The following ASAP3 variants were observed in gnomAD, a reference collection of about 807,000 sequenced individuals.
ASAP3 encodes the protein ArfGAP with SH3 domain, ankyrin repeat and PH domain 3.
A neutral mutation model predicts 118.2 loss-of-function variants in ASAP3; 85 were observed. The observed-to-expected ratio is 0.72, with a 90% CI of 0.60 to 0.86. The LOEUF (loss-of-function observed/expected upper bound fraction) is 0.86. Ranked by LOEUF, ASAP3 falls within the 40% of genes least tolerant of loss-of-function variation. The pLI is 0.00. For synonymous variants in ASAP3, 432 were observed against 477.4 expected (o/e 0.90, Z 1.24); for missense variants, 1,026 against 1,175.0 (o/e 0.87, Z 1.85).
intron 1 of ASAP3, among the ~76,000 whole-genome samples, chr1:23,476,945 C>T (rs1349589680): frequency 6.6e-6 from 1 of 151,780 alleles, no homozygotes; most frequent in Non-Finnish European, 1.5e-5. Context: ...ATGGTAAATA[C>T]TAGGGACACA....
intron 1 of ASAP3, among the ~76,000 whole-genome samples, chr1:23,468,642 G>A (rs1570401157): frequency 6.6e-6 from 1 of 151,364 alleles, no homozygotes; most frequent in African/African-American, 2.4e-5. Flanking sequence ...GGAGGCTGAG[G>A]TGGGAGGATC....
chr1:23,474,110 G>T (rs569055808), intron 1 of ASAP3, among the ~76,000 whole-genome samples: 72 of 149,334 alleles, frequency 4.8e-4, no homozygotes, highest in African/African-American at 1.7e-3. Flanking sequence ...TGGGATTACA[G>T]GTGCCTGCCA....
In ASAP3 at chr1:23,433,144, G is replaced by C. The variant is rs750812613; in HGVS notation, c.2256C>G (p.Pro752=). The C allele has an allele frequency of 1.4e-5, 23 of 1,614,054 alleles. No individual in the cohort carries two copies. Among genetic ancestry groups the C allele is most frequent in the Admixed American group, 1.7e-5 (1 of 59,992 alleles). The change falls in exon 22 of 25, where the codon CCC becomes CCG. Residue 752 remains proline (P), a synonymous_variant. Transcript: ENST00000336689. ...ATPQGESEDC[P]PPLPVKNSSR... ...AAGAGTTTTTGACTGGCAAGGGCGG[G>C]GGACAGTCCTCACTCTCGCCCTGAG...
intron 3 of ASAP3, among the ~76,000 whole-genome samples, chr1:23,454,332 AC>A (rs1314461322): frequency 3.3e-5 from 5 of 152,052 alleles, no homozygotes; most frequent in Admixed American, 2.0e-4. Flanking sequence ...GATTACAGGC[AC>A]CTGATACCAC....
At chr1:23,430,628 G>C (rs543952137) in intron 24 of ASAP3, among the ~76,000 whole-genome samples, 3 of 152,318 alleles carry the variant, frequency 2.0e-5, no homozygotes, top group Non-Finnish European at 2.9e-5. Context: ...TTCTCTGAGC[G>C]ACTGGCCTGG....
intron 1 of ASAP3, among the ~76,000 whole-genome samples, chr1:23,476,882 C>G (rs1482434023): frequency 1.3e-5 from 2 of 150,238 alleles, no homozygotes; most frequent in Non-Finnish European, 3.0e-5. Flanking sequence ...TTTTTTTTTT[C>G]TTTCATTTAT....
Position 23,433,704 on chromosome 1 carries a change from G to A in ASAP3, c.1952-11C>T. Reference sequence around the variant, plus strand: ...CGCCTGCTTCATTTACTGTGAGCGGGGAAAGTCAGGGTTCATGGTCATAGT... The same window carrying A: ...CGCCTGCTTCATTTACTGTGAGCGGAGAAAGTCAGGGTTCATGGTCATAGT... On this transcript the variant is annotated splice_polypyrimidine_tract_variant and intron_variant, in intron 19 of 24. Coordinates refer to ENST00000336689, the MANE Select transcript of ASAP3 (RefSeq NM_017707.4). 6.2e-7 allele frequency: 1 copy of A among 1,614,080 alleles called. No homozygotes were observed. Among genetic ancestry groups the A allele is most frequent in the Non-Finnish European group, 8.5e-7 (1 of 1,180,026 alleles).
Position 23,436,877 on chromosome 1 carries a change from TTC to T in ASAP3, c.1476+32_1476+33del. On this transcript the variant is annotated intron_variant, in intron 15 of 24. Transcript: ENST00000336689. The surrounding 1 kb of genome is among the most constrained non-coding windows in gnomAD (Gnocchi z 4.2). ...GATGAAACTACACCCCTAACTCCGCTTCTGGCCCCTTCCAGGCCCCGCCCCGC... is the reference window on the plus strand; with the variant it reads ...GATGAAACTACACCCCTAACTCCGCTTGGCCCCTTCCAGGCCCCGCCCCGC... 1 of 1,599,154 alleles carries T rather than the reference TTC, an allele frequency of 6.3e-7. No individual in the cohort carries two copies. Among genetic ancestry groups the T allele is most frequent in the Admixed American group, 1.7e-5 (1 of 58,792 alleles).
intron 17 of ASAP3, 122 bp from the exon 18 acceptor site, chr1:23,434,740 G>A (rs1455077972): frequency 5.7e-6 from 5 of 872,106 alleles, no homozygotes; most frequent in Non-Finnish European, 9.1e-6. Context: ...GAACCCTGGA[G>A]AGATGAGACT....
At chr1:23,483,893 G>T in intron 1 of ASAP3, 112 bp downstream of exon 1, 1 of 1,094,866 alleles carries the variant, frequency 9.1e-7, no homozygotes, top group Non-Finnish European at 1.2e-6. Flanking sequence ...TAGGGAGGGG[G>T]CAGGTTTCGG....
chr1:23,450,076 A>C (rs965608594), intron 5 of ASAP3, among the ~76,000 whole-genome samples: 6 of 152,110 alleles, frequency 3.9e-5, no homozygotes, highest in African/African-American at 1.4e-4. Context: ...GGATGGCCAC[A>C]CAGTGTCTAC....
chr1:23,439,112 A>G (rs1297417029), intron 11 of ASAP3, 49 bp downstream of exon 11: 1 of 1,594,022 alleles, frequency 6.3e-7, no homozygotes, highest in South Asian at 1.1e-5. Flanking sequence ...GAACACCAGA[A>G]GAAGAGGGTC....
chr1:23,450,858 C>T (rs1407549114), intron 5 of ASAP3, among the ~76,000 whole-genome samples: 1 of 152,178 alleles, frequency 6.6e-6, no homozygotes, highest in Non-Finnish European at 1.5e-5. Context: ...CCTCATAAGA[C>T]AGAGCCCAAG....
intron 1 of ASAP3, among the ~76,000 whole-genome samples, chr1:23,470,911 G>T (rs1216335338): frequency 6.6e-6 from 1 of 152,192 alleles, no homozygotes; most frequent in African/African-American, 2.4e-5. Flanking sequence ...TTGCTTGGCG[G>T]TGATGAGCTA....
chr1:23,484,391 C>G (rs1309644849), upstream of ASAP3: 7 of 281,106 alleles, frequency 2.5e-5, no homozygotes, highest in Non-Finnish European at 2.5e-5. Flanking sequence ...CAGGCCGCTT[C>G]CCCGGCCCCT....
Position 23,455,912 on chromosome 1 carries a change from G to A in ASAP3, c.317C>T (p.Thr106Ile), listed in dbSNP as rs756392232. The change falls in exon 3 of 25, where the codon ACC becomes ATC. Residue 106 changes from threonine to isoleucine, a missense_variant. Transcript: ENST00000336689. ...STGFLNLAVF[T>I]REVAALFKNL... Reference sequence around the variant, plus strand: ...CTTGAAGAGCGCAGCAACCTCGCGGGTGAACACGGCCAAGTTTAGGAAGCC... The same window carrying A: ...CTTGAAGAGCGCAGCAACCTCGCGGATGAACACGGCCAAGTTTAGGAAGCC... 1 of 1,614,162 alleles carries A rather than the reference G, an allele frequency of 6.2e-7. No homozygotes were observed. The highest frequency in any genetic ancestry group is 1.6e-4 in the Middle Eastern group (1 of 6,062).
chr1:23,474,730 G>A (rs919698072), intron 1 of ASAP3, among the ~76,000 whole-genome samples: 8 of 152,046 alleles, frequency 5.3e-5, no homozygotes, highest in East Asian at 1.9e-4. Context: ...CTACAGGTGC[G>A]TGCCACCACG....
chr1:23,452,961 G>C (rs923478120), intron 3 of ASAP3, among the ~76,000 whole-genome samples, 190 bp from the exon 4 acceptor site: 9 of 151,004 alleles, frequency 6.0e-5, no homozygotes, highest in Admixed American at 2.6e-4. Flanking sequence ...CTGAGCCTGC[G>C]GGGGGGGACT....
chr1:23,443,699 CT>C (rs780457191), intron 5 of ASAP3, among the ~76,000 whole-genome samples: 229 of 137,090 alleles, frequency 1.7e-3, no homozygotes, highest in African/African-American at 2.4e-3. Flanking sequence ...CCCAGCTAAT[CT>C]TTTTTTTTTT....
Sources: allele counts gnomAD v4.1 joint callset (sites outside exome capture counted in the v4.1 genomes callset), GRCh38; gene constraint gnomAD v4.1.1; non-coding constraint Gnocchi (gnomAD v3.1); transcripts MANE v1.5; gene names NCBI Gene and HGNC (gene_info 2026-07-23, HGNC 2026-07-21).